Variants in HYLS1 observed in about 807,000 individuals in gnomAD.
HYLS1 encodes centriolar and ciliogenesis-associated protein HYLS1.
Under a neutral mutation model 29.4 loss-of-function variants are expected in HYLS1, and 25 were observed. That is an observed-to-expected ratio of 0.85 (90% confidence interval 0.62 to 1.19). The LOEUF is 1.19. Ranked by LOEUF, HYLS1 falls within the 50% of genes most tolerant of loss-of-function variation. The pLI, the probability that HYLS1 is intolerant of heterozygous loss-of-function variation, is 0.00. For missense variants in HYLS1, 352 were observed against 365.1 expected (o/e 0.96, Z 0.29); for synonymous variants, 128 against 126.7 (o/e 1.01, Z -0.07).
intron 2 of HYLS1, chr11:125,894,381 AGGG>A: frequency 1.0e-6 from 1 of 974,796 alleles, no homozygotes; most frequent in South Asian, 1.6e-5. Flanking sequence ...GGAGCCGGGT[AGGG>A]CGCCACCATT....
chr11:125,900,080 C>A lies in HYLS1; in HGVS notation c.712C>A (p.Arg238Ser), dbSNP rs367894289. ...LPGEDHRKEL[R>S]WGVREQMLCR... ...TGGTGAAGATCATAGAAAGGAATTA[C>A]GCTGGGGTGTCCGAGAGCAGATGCT... Residue 238 changes from arginine to serine, a missense_variant, in exon 3 of 3, where the codon CGC becomes AGC. Coordinates refer to ENST00000425380, the MANE Select transcript of HYLS1 (RefSeq NM_001134793.2). 1 of 1,614,144 alleles carries A rather than the reference C, an allele frequency of 6.2e-7. No homozygotes were observed. The highest frequency in any genetic ancestry group is 8.5e-7 in the Non-Finnish European group (1 of 1,180,030).
chr11:125,895,152 T>G, intron 2 of HYLS1: 2 of 1,278,940 alleles, frequency 1.6e-6, no homozygotes, highest in Non-Finnish European at 2.1e-6. Flanking sequence ...CTTCAAGCAA[T>G]TCTTGTGCCT....
chr11:125,889,602 T>G (rs1315577370), intron 1 of HYLS1, among the ~76,000 whole-genome samples: 1 of 151,928 alleles, frequency 6.6e-6, no homozygotes, highest in East Asian at 1.9e-4. Flanking sequence ...CCGGGCGTGG[T>G]GGCAGGTGCC....
chr11:125,895,763 CTG>C, intron 2 of HYLS1: 4 of 1,604,652 alleles, frequency 2.5e-6, no homozygotes, highest in Non-Finnish European at 2.5e-6. Context: ...CCCTTGGAAA[CTG>C]AGAGCGAAGG....
At chr11:125,893,797 T>C (rs1329658880) in intron 2 of HYLS1, 1 of 1,609,494 alleles carries the variant, frequency 6.2e-7, no homozygotes, top group Non-Finnish European at 8.5e-7. Context: ...AAATGATGCT[T>C]TTAATTTCTG....
At position 125,899,492 on chromosome 11, in the gene HYLS1, G is replaced by C. The variant is rs1311634641; in HGVS notation, c.124G>C (p.Glu42Gln). 1 of 1,614,206 alleles carries C rather than the reference G, an allele frequency of 6.2e-7. No individual in the cohort carries two copies. The highest frequency in any genetic ancestry group is 1.1e-5 in the South Asian group (1 of 91,076). The change falls in exon 3 of 3, where the codon GAA (glutamate) becomes CAA (glutamine). Residue 42 changes from glutamate to glutamine, a missense_variant. Transcript: ENST00000425380. ...AGQGEGDVRR[E>Q]AQSIQYDPYS... is the part of the protein sequence containing the mutation. ...GCAGGGTGAAGGAGATGTCAGGAGA[G>C]AAGCCCAATCTATCCAATATGATCC...
At position 125,900,002 on chromosome 11, in the gene HYLS1, C is replaced by T. The variant is rs771819009; in HGVS notation, c.634C>T (p.Arg212Trp). ...AAGCCGAAACCGGGGCAAGACAGAC[C>T]GGGTAGCCCGGTATTTTGAGTACAA... Reference protein sequence around the residue: ...QLSRNRGKTDRVARYFEYKRD... With the variant: ...QLSRNRGKTDWVARYFEYKRD... Residue 212 changes from arginine to tryptophan, a missense_variant, in exon 3 of 3, where the codon CGG becomes TGG. Physicochemically the swap from Arg to Trp is moderately radical, Grantham distance 101 (BLOSUM62 -3). Coordinates refer to ENST00000425380, the MANE Select transcript of HYLS1 (RefSeq NM_001134793.2). The T allele has an allele frequency of 7.4e-6, 12 of 1,614,066 alleles. No individual in the cohort carries two copies. Among genetic ancestry groups the T allele is most frequent in the African/African-American group, 4.0e-5 (3 of 74,920 alleles).
In HYLS1 at chr11:125,900,282, TCTTTC is replaced by T; in HGVS notation, c.*15_*19del. The T allele has an allele frequency of 6.2e-7, 1 of 1,612,818 alleles. No homozygotes were observed. Among genetic ancestry groups the T allele is most frequent in the African/African-American group, 1.3e-5 (1 of 75,012 alleles). On this transcript the variant is annotated 3_prime_UTR_variant, in exon 3 of 3. Coordinates refer to ENST00000425380, the MANE Select transcript of HYLS1 (RefSeq NM_001134793.2). Reference sequence around the variant, plus strand: ...TCTCCTTCTTAAATCTTTTTAAACTTCTTTCACAGGATTGTTTGAGATAACCTAGC... The same window carrying T: ...TCTCCTTCTTAAATCTTTTTAAACTTACAGGATTGTTTGAGATAACCTAGC...
chr11:125,898,241 A>G (rs933201589), intron 2 of HYLS1, among the ~76,000 whole-genome samples: 2 of 152,228 alleles, frequency 1.3e-5, no homozygotes, highest in East Asian at 1.9e-4. Flanking sequence ...AAAAAGAAAA[A>G]TAGTGGGGAC....
chr11:125,892,889 T>TA (rs1944452339), intron 2 of HYLS1, among the ~76,000 whole-genome samples: 1 of 152,226 alleles, frequency 6.6e-6, no homozygotes, highest in Admixed American at 6.5e-5. Context: ...GACCTGTGCT[T>TA]ACCTTTTTAA....
intron 1 of HYLS1, among the ~76,000 whole-genome samples, chr11:125,888,594 C>T (rs1944351392): frequency 6.6e-6 from 1 of 151,604 alleles, no homozygotes; most frequent in Non-Finnish European, 1.5e-5. Flanking sequence ...TACGGTGAAA[C>T]CCCGTCTCTA....
At chr11:125,893,469 AAC>A (rs1218142831) in intron 2 of HYLS1, 1 of 205,424 alleles carries the variant, frequency 4.9e-6, no homozygotes, top group Admixed American at 5.5e-5. Context: ...TGGAGAGAAA[AAC>A]ACAACAAATC....
chr11:125,900,012 G>A lies in HYLS1; in HGVS notation c.644G>A (p.Arg215Gln), dbSNP rs763100017. 2.5e-5 allele frequency: 40 copies of A among 1,614,076 alleles called. No individual in the cohort carries two copies. Among genetic ancestry groups the A allele is most frequent in the African/African-American group, 2.7e-5 (2 of 74,924 alleles). The change falls in exon 3 of 3, where the codon CGG becomes CAG. Residue 215 changes from arginine to glutamine, a missense_variant. Coordinates refer to ENST00000425380, the MANE Select transcript of HYLS1 (RefSeq NM_001134793.2). ...RNRGKTDRVA[R>Q]YFEYKRDWDS... ...CGGGGCAAGACAGACCGGGTAGCCC[G>A]GTATTTTGAGTACAAACGGGACTGG...
At chr11:125,890,234 T>C (rs1317045782) in intron 1 of HYLS1, among the ~76,000 whole-genome samples, 1 of 51,902 alleles carries the variant, frequency 1.9e-5, no homozygotes, top group Non-Finnish European at 5.8e-5. Flanking sequence ...CATGAGCCAC[T>C]GCGCCCAGCT....
At chr11:125,890,558 A>T (rs1944391631) in intron 1 of HYLS1, among the ~76,000 whole-genome samples, 1 of 152,106 alleles carries the variant, frequency 6.6e-6, no homozygotes, top group Non-Finnish European at 1.5e-5. Context: ...CCTTTATCTC[A>T]TTTTGAAGTC....
rs1028025786 is a variant in HYLS1, at chr11:125,900,628, A to C, written c.*360A>C. On this transcript the variant is annotated 3_prime_UTR_variant, in exon 3 of 3. Transcript: ENST00000425380. ...TTGCTGGGCATTACACTTACCAATT[A>C]AAGAATTTTGGAAATTCATGAACTT... 9 of 268,184 alleles carry C rather than the reference A, an allele frequency of 3.4e-5. No homozygotes were observed. Among genetic ancestry groups the C allele is most frequent in the Non-Finnish European group, 6.1e-5 (8 of 130,576 alleles). 16.6% of individuals were successfully genotyped at this position (268,184 alleles called of 1,614,324 possible).
At chr11:125,886,318 G>A (rs144332447), upstream of HYLS1, among the ~76,000 whole-genome samples, 53 of 152,286 alleles carry the variant, frequency 3.5e-4, no homozygotes, top group East Asian at 7.0e-3. Context: ...GGCAAAGAGG[G>A]AGAGTAAGAG....
At chr11:125,889,456 G>A (rs1428903913) in intron 1 of HYLS1, among the ~76,000 whole-genome samples, 2 of 152,150 alleles carry the variant, frequency 1.3e-5, no homozygotes, top group Non-Finnish European at 2.9e-5. Context: ...AACTGGGCCG[G>A]GCGCGGTGGC....
chr11:125,898,714 C>G (rs1490258764), intron 2 of HYLS1, among the ~76,000 whole-genome samples: 2 of 151,660 alleles, frequency 1.3e-5, no homozygotes, highest in Admixed American at 1.3e-4. Flanking sequence ...TATATGTATG[C>G]ACGTATATAC....
Sources: gnomAD v4.1 joint callset for allele counts (sites outside exome capture counted in the v4.1 genomes callset) on GRCh38, gnomAD v4.1.1 for gene constraint, MANE v1.5 for transcripts, NCBI Gene and HGNC (gene_info 2026-07-23, HGNC 2026-07-21) for gene names.